Variants in MGAT5B observed in about 807,000 individuals in gnomAD.
MGAT5B encodes the protein N-acetylglucosaminyl-transferase Vb.
Under a neutral mutation model 95.1 loss-of-function variants are expected in MGAT5B, and 54 were observed. That is an observed-to-expected ratio of 0.57 (90% CI 0.46 to 0.71). The LOEUF (loss-of-function observed/expected upper bound fraction) is 0.71, where lower values mean the gene tolerates loss of function less well. MGAT5B is among the 30% of genes least tolerant of loss of function. MGAT5B has a pLI of 0.00. For missense variants in MGAT5B, 935 were observed against 1,088.6 expected, an observed-to-expected ratio of 0.86 and a Z score of 1.99; for synonymous variants, 464 against 451.0, an observed-to-expected ratio of 1.03 and a Z score of -0.36.
rs543894982 is a variant in MGAT5B at position 76,869,734 on chromosome 17, G to C, written c.68+637G>C. ...GGCAGGGGCGGCGCTGCAGGGCTAC[G>C]GGGCGGCTGGAGCCGAGGCTGCGGC... is the stretch of plus-strand genomic sequence containing the variant. On this transcript the variant is annotated intron_variant, in intron 1 of 17. Transcript: ENST00000569840. This position sits in a 1 kb window ranked among gnomAD's most constrained non-coding sequence, Gnocchi z 7.0. 5.9e-5 allele frequency among the ~76,000 whole-genome samples: 9 copies of C among 152,192 alleles called. No individual in the cohort carries two copies. The highest frequency in any genetic ancestry group is 8.8e-5 in the Non-Finnish European group (6 of 68,018).
intron 16 of MGAT5B, 131 bp downstream of exon 16, chr17:76,946,581 C>A: frequency 1.3e-6 from 1 of 747,492 alleles, no homozygotes; most frequent in Non-Finnish European, 2.0e-6. Flanking sequence ...TCCAGCCTGT[C>A]CAGTCTCTTC....
At chr17:76,895,419 T>C (rs556172451) in intron 3 of MGAT5B, among the ~76,000 whole-genome samples, 7 of 152,092 alleles carry the variant, frequency 4.6e-5, no homozygotes, top group Admixed American at 1.3e-4. Context: ...CATGGAAAAA[T>C]TGTCTTCCAC....
intron 2 of MGAT5B, among the ~76,000 whole-genome samples, chr17:76,879,726 C>T (rs965407117): frequency 2.0e-5 from 3 of 152,196 alleles, no homozygotes; most frequent in Non-Finnish European, 4.4e-5. Flanking sequence ...GTTGCAAGCT[C>T]GGTATTGAAT....
chr17:76,896,210 C>G (rs1051908798), intron 3 of MGAT5B, among the ~76,000 whole-genome samples: 7 of 152,222 alleles, frequency 4.6e-5, no homozygotes, highest in Non-Finnish European at 8.8e-5. Context: ...CTTTTGTTGT[C>G]ACTTTTAGAA....
At chr17:76,881,092 C>T (rs1233128436) in intron 2 of MGAT5B, among the ~76,000 whole-genome samples, 1 of 152,140 alleles carries the variant, frequency 6.6e-6, no homozygotes, top group South Asian at 2.1e-4. Context: ...TGGAGCCCAG[C>T]ACCCTATGGA....
chr17:76,932,735 A>C lies in MGAT5B; in HGVS notation c.1382A>C (p.Asn461Thr). ...KRLIKGGKAS[N>T]MAVVYGKEAS... ...CTCATCAAAGGCGGCAAGGCCAGCAACATGGCCGTGGTGTACGGCAAGGAG... is the reference window on the plus strand; with the variant it reads ...CTCATCAAAGGCGGCAAGGCCAGCACCATGGCCGTGGTGTACGGCAAGGAG... The change falls in exon 11 of 18, where the codon AAC becomes ACC. Residue 461 changes from asparagine to threonine, a missense_variant. Asn to Thr is a moderately conservative substitution (Grantham distance 65). This residue lies in a region of MGAT5B where 440 missense variants were observed against 523.6 expected (regional missense o/e 0.84). Coordinates refer to ENST00000569840, the MANE Select transcript of MGAT5B (RefSeq NM_001199172.2). 6.2e-7 allele frequency: 1 copy of C among 1,613,934 alleles called. No individual in the cohort carries two copies. Among genetic ancestry groups the C allele is most frequent in the Non-Finnish European group, 8.5e-7 (1 of 1,179,932 alleles).
chr17:76,919,523 A>G (rs894946), intron 8 of MGAT5B, among the ~76,000 whole-genome samples: 55,905 of 152,118 alleles, frequency 0.37, 11,550 homozygotes, highest in East Asian at 0.7. Flanking sequence ...TTAACATCCC[A>G]GGTTCAAACG....
intron 3 of MGAT5B, among the ~76,000 whole-genome samples, chr17:76,883,744 C>T (rs1159340350): frequency 6.6e-6 from 1 of 152,200 alleles, no homozygotes; most frequent in Non-Finnish European, 1.5e-5. Flanking sequence ...AGACAATTTG[C>T]AGAAAAGCTA....
At position 76,868,411 on chromosome 17, in the gene MGAT5B, C is replaced by G. The variant is rs947610582; in HGVS notation, c.-619C>G. On this transcript the variant is annotated 5_prime_UTR_variant, in exon 1 of 18. Coordinates refer to ENST00000569840, the MANE Select transcript of MGAT5B (RefSeq NM_001199172.2). This position sits in a 1 kb window ranked among gnomAD's most constrained non-coding sequence, Gnocchi z 6.3. The stretch of plus-strand genomic sequence containing the variant: ...CCGGGCCGCCCCAGCGCCGCTCGGC[C>G]GCCTCCTCCGAGGAACAATGCGGCG... 2 of 151,362 alleles carry G rather than the reference C, an allele frequency of 1.3e-5. No homozygotes were observed. The highest frequency in any genetic ancestry group is 4.8e-5 in the African/African-American group (2 of 41,356). 9.4% of individuals were successfully genotyped at this position (151,362 alleles called of 1,614,324 possible).
chr17:76,885,532 G>A (rs558422062), intron 3 of MGAT5B, among the ~76,000 whole-genome samples: 35 of 152,154 alleles, frequency 2.3e-4, no homozygotes, highest in African/African-American at 3.4e-4. Context: ...ATTTTTTTCC[G>A]GTCCTGGCCT....
At position 76,904,392 on chromosome 17, in the gene MGAT5B, G is replaced by A; in HGVS notation, c.660G>A (p.Gln220=). 6.4e-7 allele frequency: 1 copy of A among 1,567,166 alleles called. No individual in the cohort carries two copies. Among genetic ancestry groups the A allele is most frequent in the Non-Finnish European group, 8.6e-7 (1 of 1,156,370 alleles). The change falls in exon 6 of 18, where the codon CAG becomes CAA. Residue 220 remains glutamine (Q), a synonymous_variant. Transcript: ENST00000569840. ...PLPWRNQTAA[Q]RAPKPLPKVQ... Reference sequence around the variant, plus strand: ...CCTGGAGGAACCAGACGGCTGCCCAGAGGGCACCCAAGCCCCTCCCCAAAG... The same window carrying A: ...CCTGGAGGAACCAGACGGCTGCCCAAAGGGCACCCAAGCCCCTCCCCAAAG...
In MGAT5B at chr17:76,908,011, G is replaced by T. The variant is rs1036545471; in HGVS notation, c.1025+1824G>T. Among the ~76,000 whole-genome samples, 17 of 152,114 alleles carry T rather than the reference G, an allele frequency of 1.1e-4. 1 individual carries two copies. The highest frequency in any genetic ancestry group is 3.9e-4 in the African/African-American group (16 of 41,420). On this transcript the variant is annotated intron_variant, in intron 8 of 17. Coordinates refer to ENST00000569840, the MANE Select transcript of MGAT5B (RefSeq NM_001199172.2). ...TTGATATGGGCATCATATGATAAGG[G>T]TTATCATTTTCATATTGAGTTGTAA... is the stretch of plus-strand genomic sequence containing the variant.
Position 76,948,793 on chromosome 17 carries a change from C to T in MGAT5B, c.2334C>T (p.Arg778=), listed in dbSNP as rs776417904. The change falls in exon 18 of 18, where the codon CGC becomes CGT. Residue 778 remains arginine, a synonymous_variant. Coordinates refer to ENST00000569840, the MANE Select transcript of MGAT5B (RefSeq NM_001199172.2). ...AGTACCGCCGGCTCTGCCCCTGCCG[C>T]GACTTCCGCAAGGGCCAGGTGGCCT... The part of the protein sequence containing the change: ...NTKYRRLCPC[R]DFRKGQVALC... The T allele has an allele frequency of 1.7e-5, 27 of 1,608,632 alleles. No individual in the cohort carries two copies. The highest frequency in any genetic ancestry group is 2.2e-5 in the South Asian group (2 of 89,938).
intron 3 of MGAT5B, among the ~76,000 whole-genome samples, chr17:76,892,077 C>T (rs8065828): frequency 0.3 from 46,185 of 152,050 alleles, 8,501 homozygotes; most frequent in African/African-American, 0.47. Context: ...GACAGGGTCT[C>T]ACTCTGTTGC....
chr17:76,940,761 C>G lies in MGAT5B; in HGVS notation c.1761C>G (p.Asn587Lys), dbSNP rs751159604. Reference sequence around the variant, plus strand: ...TCTCCCAGCATCCCTACGCGGAGAACTTCATCGGCAAGCCCCACGTGTGGA... The same window carrying G: ...TCTCCCAGCATCCCTACGCGGAGAAGTTCATCGGCAAGCCCCACGTGTGGA... ...EVFSQHPYAE[N>K]FIGKPHVWTV... Residue 587 changes from asparagine to lysine, a missense_variant, in exon 15 of 18, where the codon AAC becomes AAG. Asn to Lys is a moderately conservative substitution (Grantham distance 94). Around this residue, in one of 4 missense-constraint regions of MGAT5B, gnomAD observed 440 missense variants for 523.6 expected, o/e 0.84. Coordinates refer to ENST00000569840, the MANE Select transcript of MGAT5B (RefSeq NM_001199172.2). This position sits in a 1 kb window ranked among gnomAD's most constrained non-coding sequence, Gnocchi z 4.3. The G allele has an allele frequency of 5.6e-6, 9 of 1,614,032 alleles. No individual in the cohort carries two copies. In the Admixed American group the frequency reaches 8.3e-5, roughly 15 times the overall value.
rs1178785860 is a variant in MGAT5B, at chr17:76,918,876, G to C, written c.1026-6090G>C. 6.7e-6 allele frequency among the ~76,000 whole-genome samples: 1 copy of C among 149,582 alleles called. No homozygotes were observed. The highest frequency in any genetic ancestry group is 1.5e-5 in the Non-Finnish European group (1 of 67,780). On this transcript the variant is annotated intron_variant, in intron 8 of 17. Transcript: ENST00000569840. This position sits in a 1 kb window ranked among gnomAD's most constrained non-coding sequence, Gnocchi z 5.1. ...ACTTTGCAAGGATTCTTTTTAATTA[G>C]GTCCCTCCCACACAAGAGAAAGAGA... is the stretch of plus-strand genomic sequence containing the variant.
intron 15 of MGAT5B, among the ~76,000 whole-genome samples, chr17:76,944,573 A>G (rs62077204): frequency 0.21 from 31,886 of 152,144 alleles, 3,624 homozygotes; most frequent in Admixed American, 0.29. Flanking sequence ...AGGTCGGGAC[A>G]GGGCTGTGCA....
chr17:76,881,149 A>G (rs1178031786), intron 2 of MGAT5B, among the ~76,000 whole-genome samples: 1 of 152,222 alleles, frequency 6.6e-6, no homozygotes, highest in African/African-American at 2.4e-5. Context: ...TTAAAAAGGA[A>G]GGCGAGAACT....
rs182258011 is a variant in MGAT5B at position 76,921,464 on chromosome 17, C to T, written c.1026-3502C>T. Among the ~76,000 whole-genome samples the T allele has an allele frequency of 4.6e-5, 7 of 152,256 alleles. No homozygotes were observed. In the East Asian group the frequency reaches 1.4e-3, roughly 29 times the overall value. Reference sequence around the variant, plus strand: ...TCAGCAGGGGGCCCCTTTTCCTGCCCGGCTCTGGATCTGGGTGCCAAGGTT... The same window carrying T: ...TCAGCAGGGGGCCCCTTTTCCTGCCTGGCTCTGGATCTGGGTGCCAAGGTT... On this transcript the variant is annotated intron_variant, in intron 8 of 17. Transcript: ENST00000569840.
Sources: allele counts gnomAD v4.1 joint callset (sites outside exome capture counted in the v4.1 genomes callset), GRCh38; gene constraint gnomAD v4.1.1; regional missense constraint gnomAD v4.1.1; non-coding constraint Gnocchi (gnomAD v3.1); transcripts MANE v1.5; gene names NCBI Gene and HGNC (gene_info 2026-07-23, HGNC 2026-07-21).